Variants in TMEM117 observed in about 807,000 individuals in gnomAD.
TMEM117 encodes transmembrane protein 117.
A neutral mutation model predicts 52.4 loss-of-function variants in TMEM117; 27 were observed. The observed-to-expected ratio is 0.51, with a 90% CI of 0.38 to 0.71. The LOEUF (loss-of-function observed/expected upper bound fraction) is 0.71, where lower values mean the gene tolerates loss of function less well. TMEM117 is among the 30% of genes least tolerant of loss of function. The pLI, the probability that TMEM117 is intolerant of heterozygous loss-of-function variation, is 0.00. For missense variants in TMEM117, 556 were observed against 630.5 expected (o/e 0.88, Z 1.26); for synonymous variants, 215 against 206.3 (o/e 1.04, Z -0.36).
chr12:44,357,931 T>G (rs1951672866), intron 6 of TMEM117, among the ~76,000 whole-genome samples: 1 of 152,106 alleles, frequency 6.6e-6, no homozygotes, highest in African/African-American at 2.4e-5. Context: ...TAGGTGCCCA[T>G]CAGTGGTGGA....
chr12:43,925,296 A>G (rs890583950), intron 2 of TMEM117, among the ~76,000 whole-genome samples: 1 of 84,026 alleles, frequency 1.2e-5, no homozygotes. Flanking sequence ...CACTTGCCAA[A>G]AAAAATTTTT....
chr12:43,956,047 T>A (rs1035415531), intron 3 of TMEM117, among the ~76,000 whole-genome samples: 2 of 152,164 alleles, frequency 1.3e-5, no homozygotes, highest in African/African-American at 4.8e-5. Context: ...GGGGAAAGGA[T>A]TTCCTATTTA....
chr12:44,396,270 A>C, the TMEM117 span, among the ~76,000 whole-genome samples: 13 of 152,084 alleles, frequency 8.5e-5, no homozygotes, highest in East Asian at 2.3e-3. Context: ...AACCAGCAAG[A>C]CCAATTCAAA....
At chr12:44,215,865 C>G (rs1012257255) in intron 5 of TMEM117, among the ~76,000 whole-genome samples, 1 of 151,990 alleles carries the variant, frequency 6.6e-6, no homozygotes, top group Non-Finnish European at 1.5e-5. Flanking sequence ...GAGGATTTCA[C>G]CTTTCTCCCC....
At chr12:44,018,920 G>T (rs529992585) in intron 3 of TMEM117, among the ~76,000 whole-genome samples, 1 of 151,614 alleles carries the variant, frequency 6.6e-6, no homozygotes, top group Non-Finnish European at 1.5e-5. Flanking sequence ...GGGTTTCACC[G>T]TGTTGGCCAG....
chr12:44,207,170 T>C (rs1475145449), intron 4 of TMEM117, among the ~76,000 whole-genome samples: 4 of 152,186 alleles, frequency 2.6e-5, no homozygotes, highest in Non-Finnish European at 4.4e-5. Flanking sequence ...AGAATAACAT[T>C]TGTTTATCTT....
chr12:44,052,730 G>T (rs1946993984), intron 3 of TMEM117, among the ~76,000 whole-genome samples: 1 of 152,120 alleles, frequency 6.6e-6, no homozygotes, highest in African/African-American at 2.4e-5. Context: ...CATGCCCTTT[G>T]CCCCACACAT....
At chr12:43,864,110 G>A (rs1436210740) in intron 2 of TMEM117, among the ~76,000 whole-genome samples, 1 of 152,172 alleles carries the variant, frequency 6.6e-6, no homozygotes, top group East Asian at 1.9e-4. Flanking sequence ...ATTTCTCACG[G>A]GGCTTTAGCT....
At chr12:44,198,929 T>A (rs554738515) in intron 4 of TMEM117, among the ~76,000 whole-genome samples, 1 of 152,310 alleles carries the variant, frequency 6.6e-6, no homozygotes, top group African/African-American at 2.4e-5. Context: ...ACAGTTATGA[T>A]GATGTTGGGA....
chr12:43,844,553 C>A, intron 1 of TMEM117, 71 bp from the exon 2 acceptor site: 3 of 1,343,018 alleles, frequency 2.2e-6, no homozygotes, highest in Non-Finnish European at 2.0e-6. Context: ...TGTTATAAAC[C>A]TGAACTGATA....
intron 3 of TMEM117, among the ~76,000 whole-genome samples, chr12:44,026,240 A>G (rs1946531521): frequency 6.6e-6 from 1 of 152,184 alleles, no homozygotes; most frequent in South Asian, 2.1e-4. Flanking sequence ...AACCATGTTC[A>G]TATGTCCAAA....
intron 4 of TMEM117, among the ~76,000 whole-genome samples, chr12:44,166,742 C>T (rs1438333518): frequency 2.6e-5 from 4 of 152,166 alleles, no homozygotes; most frequent in African/African-American, 9.7e-5. Flanking sequence ...TTTAAGCATC[C>T]TGCAAAATCT....
chr12:43,893,565 C>T (rs1944146058), intron 2 of TMEM117, among the ~76,000 whole-genome samples: 1 of 152,186 alleles, frequency 6.6e-6, no homozygotes, highest in Non-Finnish European at 1.5e-5. Context: ...TCTAGACTTT[C>T]TTACCTCCAT....
chr12:44,312,108 C>CATGAGTATATTGTGTGATGCTG (rs982691793), intron 6 of TMEM117, among the ~76,000 whole-genome samples: 10 of 151,660 alleles, frequency 6.6e-5, no homozygotes, highest in African/African-American at 2.4e-4. Flanking sequence ...AGGTTTGTTA[C>CATGAGTATATTGTGTGATGCTG]ATGAGTATAT....
rs989912456 is a variant in TMEM117, at chr12:43,905,722, A to G, written c.278-38488A>G. Among the ~76,000 whole-genome samples, 8 of 152,280 alleles carry G rather than the reference A, an allele frequency of 5.3e-5. No homozygotes were observed. The South Asian group carries it at 6.2e-4, about 12-fold the overall frequency. On this transcript the variant is annotated intron_variant, in intron 2 of 7. Coordinates refer to ENST00000266534, the MANE Select transcript of TMEM117 (RefSeq NM_032256.3). Reference sequence around the variant, plus strand: ...GCTTGGAGCAAGAACTTCCTTTTCTATGAATTTCTGGATGTGGCATATCTT... The same window carrying G: ...GCTTGGAGCAAGAACTTCCTTTTCTGTGAATTTCTGGATGTGGCATATCTT...
chr12:44,246,574 G>A (rs1225151794), intron 5 of TMEM117, among the ~76,000 whole-genome samples: 1 of 152,162 alleles, frequency 6.6e-6, no homozygotes, highest in African/African-American at 2.4e-5. Flanking sequence ...AGGAATTTAA[G>A]TGACAGCAAT....
At chr12:43,832,315 T>C (rs1004798441), upstream of TMEM117, among the ~76,000 whole-genome samples, 8 of 152,196 alleles carry the variant, frequency 5.3e-5, no homozygotes, top group African/African-American at 1.9e-4. Flanking sequence ...TGACTACCTA[T>C]TACATGGCAG....
chr12:44,356,161 A>C lies in TMEM117; in HGVS notation c.769-20434A>C, dbSNP rs184145909. Among the ~76,000 whole-genome samples the C allele has an allele frequency of 1.2e-4, 19 of 152,284 alleles. No individual in the cohort carries two copies. In the East Asian group the frequency reaches 3.5e-3, roughly 28 times the overall value. ...GAATACAAGGTCCTGAAATGCCTTA[A>C]AGTACTTTTCCTCAGGAAGATGTCT... On this transcript the variant is annotated intron_variant, in intron 6 of 7. Transcript: ENST00000266534.
chr12:44,249,427 A>G (rs977081507), intron 5 of TMEM117, among the ~76,000 whole-genome samples: 1 of 152,174 alleles, frequency 6.6e-6, no homozygotes, highest in African/African-American at 2.4e-5. Flanking sequence ...AAAGTAATTT[A>G]TAGATTCAAT....
Sources: allele counts gnomAD v4.1 joint callset (sites outside exome capture counted in the v4.1 genomes callset), GRCh38; gene constraint gnomAD v4.1.1; transcripts MANE v1.5; gene names NCBI Gene and HGNC (gene_info 2026-07-23, HGNC 2026-07-21).